Variants in MAST2 observed in about 807,000 individuals in gnomAD.
The protein encoded by MAST2 is microtubule associated serine/threonine kinase 2, also known as microtubule-associated serine/threonine-protein kinase 2.
In MAST2, 70 loss-of-function variants were observed where a neutral mutation model predicts 147.4. The ratio of observed to expected loss-of-function variants is 0.47; its 90% CI spans 0.39 to 0.58. The LOEUF (loss-of-function observed/expected upper bound fraction) is 0.58. Among genes scored for constraint, MAST2 ranks in the 20% least tolerant of loss-of-function variants. MAST2 has a pLI of 0.00. For missense variants in MAST2, 2,080 were observed against 2,302.3 expected (o/e 0.90, Z 1.98); for synonymous variants, 869 against 896.8 (o/e 0.97, Z 0.55).
chr1:45,907,748 G>A (rs1651010149), intron 4 of MAST2, among the ~76,000 whole-genome samples: 1 of 152,122 alleles, frequency 6.6e-6, no homozygotes. Context: ...GGCCTTGGCA[G>A]TCTCTGTTCT....
intron 3 of MAST2, among the ~76,000 whole-genome samples, chr1:45,872,760 C>T (rs573637657): frequency 3.9e-5 from 6 of 152,140 alleles, no homozygotes; most frequent in South Asian, 4.2e-4. Flanking sequence ...GGATTACAGG[C>T]GTGAGCCACC....
At chr1:46,014,194 C>CT (rs1477173095) in intron 10 of MAST2, among the ~76,000 whole-genome samples, 1 of 151,210 alleles carries the variant, frequency 6.6e-6, no homozygotes, top group Non-Finnish European at 1.5e-5. Context: ...TATTATTATA[C>CT]TTTAAGTTTT....
intron 3 of MAST2, among the ~76,000 whole-genome samples, chr1:45,840,781 A>C (rs1052404158): frequency 2.2e-4 from 34 of 152,228 alleles, no homozygotes. Flanking sequence ...TCAGCCAGTC[A>C]TATAGGCTGA....
At chr1:45,940,106 C>T (rs372036422) in intron 4 of MAST2, among the ~76,000 whole-genome samples, 1 of 151,334 alleles carries the variant, frequency 6.6e-6, no homozygotes, top group East Asian at 1.9e-4. Context: ...GATTCTCCTG[C>T]CTGAGCCTCC....
At chr1:45,906,697 A>G (rs1405092604) in intron 4 of MAST2, among the ~76,000 whole-genome samples, 2 of 149,390 alleles carry the variant, frequency 1.3e-5, no homozygotes, top group Non-Finnish European at 3.0e-5. Context: ...ATTATATTAT[A>G]TGTTTATATA....
At chr1:45,997,944 T>C in intron 6 of MAST2, 145 bp downstream of exon 6, 2 of 724,054 alleles carry the variant, frequency 2.8e-6, no homozygotes, top group Non-Finnish European at 2.4e-6. Flanking sequence ...CTGTCTTTGC[T>C]TTCCTCTCCT....
intron 4 of MAST2, among the ~76,000 whole-genome samples, chr1:45,923,070 T>A (rs1653790831): frequency 6.6e-6 from 1 of 152,160 alleles, no homozygotes; most frequent in Non-Finnish European, 1.5e-5. Context: ...GCCAGACCTC[T>A]GTGCCCCATG....
intron 9 of MAST2, 56 bp downstream of exon 9, chr1:46,008,427 C>G: frequency 8.4e-7 from 1 of 1,188,772 alleles, no homozygotes; most frequent in Non-Finnish European, 1.3e-6. Flanking sequence ...CTGCCTACAG[C>G]CAGCCCCAAT....
At chr1:45,866,255 C>T (rs537204270) in intron 3 of MAST2, among the ~76,000 whole-genome samples, 2 of 152,190 alleles carry the variant, frequency 1.3e-5, no homozygotes, top group African/African-American at 4.8e-5. Flanking sequence ...ATGACCTGGG[C>T]TTTAAAAGTC....
chr1:45,979,975 G>A (rs1380511383), intron 5 of MAST2, among the ~76,000 whole-genome samples: 1 of 152,190 alleles, frequency 6.6e-6, no homozygotes, highest in Non-Finnish European at 1.5e-5. Flanking sequence ...CTAAACAGCG[G>A]GTTACTCATG....
chr1:45,999,978 T>C (rs1437844651), intron 6 of MAST2, among the ~76,000 whole-genome samples: 1 of 152,200 alleles, frequency 6.6e-6, no homozygotes, highest in Non-Finnish European at 1.5e-5. Context: ...TTATAAATTA[T>C]GACAAGCACC....
chr1:45,909,241 G>T lies in MAST2; in HGVS notation c.500+26846G>T, dbSNP rs139759315. ...AACTGAATAATATTTACTTAAAAAA[G>T]TTAGGTATCTTTTTCTCACTTTATT... On this transcript the variant is annotated intron_variant, in intron 4 of 28. Transcript: ENST00000361297. 3.4e-3 allele frequency among the ~76,000 whole-genome samples: 512 copies of T among 152,088 alleles called. 3 individuals are homozygous for T. The highest frequency in any genetic ancestry group is 0.012 in the African/African-American group (491 of 41,500).
chr1:45,871,222 T>C (rs1646379467), intron 3 of MAST2, among the ~76,000 whole-genome samples: 1 of 150,464 alleles, frequency 6.6e-6, no homozygotes, highest in East Asian at 1.9e-4. Context: ...ACTGTCCCCT[T>C]TTTTTTTTAC....
At chr1:45,847,553 T>G in intron 3 of MAST2, 1 of 826,086 alleles carries the variant, frequency 1.2e-6, no homozygotes, top group Non-Finnish European at 1.9e-6. Context: ...TTCTACTATA[T>G]GGATGAATGA....
intron 15 of MAST2, 89 bp downstream of exon 15, chr1:46,024,069 G>A (rs1557496781): frequency 2.4e-6 from 3 of 1,266,160 alleles, no homozygotes; most frequent in Non-Finnish European, 3.4e-6. Flanking sequence ...GTACAGAGGT[G>A]AAGTTTCAGG....
chr1:45,941,608 G>T (rs1458292547), intron 4 of MAST2, among the ~76,000 whole-genome samples: 2 of 152,088 alleles, frequency 1.3e-5, no homozygotes, highest in African/African-American at 4.8e-5. Flanking sequence ...ATATAGGATT[G>T]TTTTGTGTGT....
At chr1:46,000,028 A>G (rs1434765787) in intron 6 of MAST2, among the ~76,000 whole-genome samples, 1 of 152,144 alleles carries the variant, frequency 6.6e-6, no homozygotes, top group Non-Finnish European at 1.5e-5. Flanking sequence ...AAGAACAGGA[A>G]GAGGGCCGGG....
chr1:45,994,524 C>T (rs1370434965), intron 5 of MAST2, among the ~76,000 whole-genome samples: 2 of 151,900 alleles, frequency 1.3e-5, no homozygotes, highest in Non-Finnish European at 1.5e-5. Flanking sequence ...TAACCTCAGG[C>T]GATCTGCCTG....
At chr1:45,946,136 G>A (rs895116200) in intron 4 of MAST2, among the ~76,000 whole-genome samples, 1 of 152,162 alleles carries the variant, frequency 6.6e-6, no homozygotes, top group Non-Finnish European at 1.5e-5. Context: ...GGAAATATAG[G>A]CATGCCTAGA....
Sources: allele counts gnomAD v4.1 joint callset (sites outside exome capture counted in the v4.1 genomes callset), GRCh38; gene constraint gnomAD v4.1.1; transcripts MANE v1.5; gene names NCBI Gene and HGNC (gene_info 2026-07-23, HGNC 2026-07-21).